OTOGL: variants seen among roughly 807,000 people sequenced by gnomAD.
The protein encoded by OTOGL is otogelin-like protein.
A neutral mutation model predicts 318.5 loss-of-function variants in OTOGL; 285 were observed. The ratio of observed to expected loss-of-function variants is 0.89; its 90% CI spans 0.81 to 0.99. OTOGL has a LOEUF of 0.99. Among genes scored for constraint, OTOGL ranks in the 50% least tolerant of loss-of-function variants. OTOGL has a pLI of 0.00. For synonymous variants in OTOGL, 987 were observed against 936.5 expected (o/e 1.05, Z -0.99); for missense variants, 2,899 against 2,845.6 (o/e 1.02, Z -0.43).
chr12:80,158,008 A>G (rs574650189), intron 1 of OTOGL, among the ~76,000 whole-genome samples: 2 of 152,256 alleles, frequency 1.3e-5, no homozygotes, highest in South Asian at 4.1e-4. Context: ...ATTTCTTCTT[A>G]TATGGTGGGT....
rs1883045553 is a variant in OTOGL, at chr12:80,267,202, T to C, written c.2391-51T>C. ...AGCACAAGGTCAGCTTGAATTTTAGTGGTTTTTGAAAAAAATTGTATCCTA... is the reference window on the plus strand; with the variant it reads ...AGCACAAGGTCAGCTTGAATTTTAGCGGTTTTTGAAAAAAATTGTATCCTA... On this transcript the variant is annotated intron_variant, in intron 21 of 58. Transcript: ENST00000547103. The C allele has an allele frequency of 4.9e-6, 6 of 1,212,234 alleles. No individual in the cohort carries two copies. The South Asian group carries it at 5.7e-5, about 12-fold the overall frequency. The allele number at this position is 1,212,234 out of a possible 1,614,324, so 75.1% of individuals were successfully genotyped here. A position where few individuals can be genotyped will look rare whatever the true frequency, so the allele number is the denominator to read the frequency against.
chr12:80,271,698 C>T lies in OTOGL; in HGVS notation c.2569C>T (p.Pro857Ser), dbSNP rs771346282. The T allele has an allele frequency of 1.2e-6, 2 of 1,612,968 alleles. No individual in the cohort carries two copies. The highest frequency in any genetic ancestry group is 1.7e-5 in the Admixed American group (1 of 59,834). Residue 857 changes from proline (P) to serine (S), a missense_variant, in exon 24 of 59, where the codon CCT becomes TCT. Around this residue, in one of 3 missense-constraint regions of OTOGL, gnomAD observed 2,607 missense variants for 2,524.9 expected, o/e 1.03. Transcript: ENST00000547103. ...KEYFDCRFPD[P>S]ELPAGGVNCE... ...GTATTTCGACTGCAGGTTTCCTGAC[C>T]CTGAATTACCAGCTGGTGGTGTTAA...
In OTOGL at chr12:80,307,810, G is replaced by C. The variant is rs1183212226; in HGVS notation, c.3333+2115G>C. On this transcript the variant is annotated intron_variant, in intron 29 of 58. Coordinates refer to ENST00000547103, the MANE Select transcript of OTOGL (RefSeq NM_001378609.3). ...GAGGGGCTCCTCACTTCCCAGTAGG[G>C]GCGGCCGGGCAGAGGCACCCCTCAC... Among the ~76,000 whole-genome samples the C allele has an allele frequency of 3.2e-4, 43 of 133,890 alleles. No homozygotes were observed. The Middle Eastern group carries it at 0.016, about 49-fold the overall frequency. 87.8% of individuals were successfully genotyped at this position (133,890 alleles called of 152,430 possible). A position where few individuals can be genotyped will look rare whatever the true frequency, so the allele number is the denominator to read the frequency against.
intron 29 of OTOGL, among the ~76,000 whole-genome samples, chr12:80,309,145 T>A (rs1445506541): frequency 6.6e-6 from 1 of 152,230 alleles, no homozygotes; most frequent in Admixed American, 6.5e-5. Flanking sequence ...ATTCACTAAT[T>A]TTTATTTAGC....
intron 52 of OTOGL, among the ~76,000 whole-genome samples, chr12:80,365,007 C>G (rs74601451): frequency 6.6e-6 from 1 of 151,968 alleles, no homozygotes; most frequent in Non-Finnish European, 1.5e-5. Flanking sequence ...AAAAATAACA[C>G]ATTTACAAGG....
At chr12:80,314,243 C>G (rs1886833145) in intron 31 of OTOGL, 62 bp from the exon 32 acceptor site, 2 of 560,850 alleles carry the variant, frequency 3.6e-6, no homozygotes. Context: ...CATATCTTGC[C>G]CACATTCAGA....
At chr12:80,103,778 C>G (rs1433201122) in intron 1 of OTOGL, among the ~76,000 whole-genome samples, 1 of 152,134 alleles carries the variant, frequency 6.6e-6, no homozygotes, top group Non-Finnish European at 1.5e-5. Flanking sequence ...CTAAAAATGC[C>G]TATACCTTTG....
intron 26 of OTOGL, among the ~76,000 whole-genome samples, chr12:80,279,711 T>C (rs1293071710): frequency 6.6e-6 from 1 of 151,858 alleles, no homozygotes; most frequent in Non-Finnish European, 1.5e-5. Context: ...TTAGGTTGAT[T>C]CCATGTCTTT....
chr12:80,209,447 A>T lies in OTOGL; in HGVS notation c.16A>T (p.Lys6Ter), dbSNP rs1213373643. 4.0e-6 allele frequency: 6 copies of T among 1,507,304 alleles called. No individual in the cohort carries two copies. The highest frequency in any genetic ancestry group is 5.3e-6 in the Non-Finnish European group (6 of 1,128,562). 93.4% of individuals were successfully genotyped at this position (1,507,304 alleles called of 1,614,324 possible). Residue 6 changes from lysine (K) to a stop codon, truncating the protein, a stop_gained, in exon 2 of 59, where the codon AAA (lysine) becomes TAA (stop). Transcript: ENST00000547103. LOFTEE classifies it high-confidence loss of function. ...CTACACTGAAATGAACATTGTAAGA[A>T]AACTCAATTTAATGATACCTTGGAG... The part of the protein sequence containing the change: MNIVR[K>*]LNLMIPWSIF...
chr12:80,228,462 AAAAC>A lies in OTOGL; in HGVS notation c.490-787_490-784del, dbSNP rs927297441. Among the ~76,000 whole-genome samples, 107 of 152,066 alleles carry A rather than the reference AAAAC, an allele frequency of 7.0e-4. 1 individual carries two copies. The highest frequency in any genetic ancestry group is 6.8e-3 in the Middle Eastern group (2 of 294). On this transcript the variant is annotated intron_variant, in intron 7 of 58. Transcript: ENST00000547103. ...ATCTCAAAAAACAAACAAACAAACA[AAAAC>A]AAACAAAAAAAACCCCAAAACAAAA...
chr12:80,257,790 G>A, intron 17 of OTOGL, 35 bp from the exon 18 acceptor site: 1 of 1,483,976 alleles, frequency 6.7e-7, no homozygotes, highest in Non-Finnish European at 9.0e-7. Flanking sequence ...GTCTATGAAT[G>A]TCAAAGCTGA....
rs1016709329 is a variant in OTOGL, at chr12:80,217,159, A to G, written c.169-439A>G. ...CCATGCATTTTTTTTTTCCAAACCT[A>G]TCTGCGCCTGGAAGTGTCAGAGAAT... is the stretch of plus-strand genomic sequence containing the variant. On this transcript the variant is annotated intron_variant, in intron 4 of 58. Coordinates refer to ENST00000547103, the MANE Select transcript of OTOGL (RefSeq NM_001378609.3). Among the ~76,000 whole-genome samples the G allele has an allele frequency of 2.1e-4, 32 of 151,906 alleles. No individual in the cohort carries two copies. The East Asian group carries it at 5.4e-3, about 26-fold the overall frequency.
chr12:80,230,626 C>T (rs760378113), intron 8 of OTOGL, among the ~76,000 whole-genome samples: 2 of 152,090 alleles, frequency 1.3e-5, no homozygotes, highest in Non-Finnish European at 2.9e-5. Flanking sequence ...ATGAGGATTT[C>T]AGATTGTGTG....
intron 11 of OTOGL, among the ~76,000 whole-genome samples, chr12:80,247,390 C>T (rs1418824978): frequency 8.2e-6 from 1 of 121,862 alleles, no homozygotes; most frequent in Admixed American, 8.1e-5. Flanking sequence ...TTTCAAAGAA[C>T]ATCTTTATTT....
intron 28 of OTOGL, 77 bp downstream of exon 28, chr12:80,302,860 T>C (rs1240673385): frequency 2.5e-6 from 3 of 1,207,252 alleles, no homozygotes; most frequent in Non-Finnish European, 3.2e-6. Context: ...GAAAATAAAA[T>C]GATTAATGTT....
chr12:80,265,115 G>A lies in OTOGL; in HGVS notation c.2129G>A (p.Gly710Glu). ...TGCCGCCACGATGCATGCAAGTGTG[G>A]AAGCTCCTGCCTGTGCAATGCTCTT... ...QLCRHDACKC[G>E]SSCLCNALAH... The change falls in exon 20 of 59, where the codon GGA becomes GAA. Residue 710 changes from glycine to glutamate, a missense_variant. Gly to Glu is a moderately conservative substitution (Grantham distance 98). This residue lies in a region of OTOGL where 2,607 missense variants were observed against 2,524.9 expected (regional missense o/e 1.03). Coordinates refer to ENST00000547103, the MANE Select transcript of OTOGL (RefSeq NM_001378609.3). 1 of 1,613,866 alleles carries A rather than the reference G, an allele frequency of 6.2e-7. No individual in the cohort carries two copies. The highest frequency in any genetic ancestry group is 1.1e-5 in the South Asian group (1 of 91,082).
intron 16 of OTOGL, among the ~76,000 whole-genome samples, chr12:80,255,577 C>T (rs1222676508): frequency 6.6e-6 from 1 of 151,798 alleles, no homozygotes; most frequent in Admixed American, 6.6e-5. Flanking sequence ...TTGTTTGCTT[C>T]AACCTAGCTA....
intron 43 of OTOGL, among the ~76,000 whole-genome samples, chr12:80,340,595 G>A (rs771909254): frequency 3.9e-5 from 6 of 152,136 alleles, no homozygotes; most frequent in Admixed American, 6.6e-5. Context: ...GCGCTGCAGA[G>A]AGAGGGCTAG....
chr12:80,209,454 A>G lies in OTOGL; in HGVS notation c.23A>G (p.Asn8Ser). The change falls in exon 2 of 59, where the codon AAT becomes AGT. Residue 8 changes from asparagine to serine, a missense_variant. Physicochemically the swap from Asn to Ser is conservative, Grantham distance 46. Transcript: ENST00000547103. ...GAAATGAACATTGTAAGAAAACTCA[A>G]TTTAATGATACCTTGGAGTATATTC... MNIVRKL[N>S]LMIPWSIFLL... 1 of 1,510,060 alleles carries G rather than the reference A, an allele frequency of 6.6e-7. No individual in the cohort carries two copies. The highest frequency in any genetic ancestry group is 1.2e-5 in the South Asian group (1 of 80,072). The allele number at this position is 1,510,060 out of a possible 1,614,324, so 93.5% of individuals were successfully genotyped here. A position where few individuals can be genotyped will look rare whatever the true frequency, so the allele number is the denominator to read the frequency against.
Sources: gnomAD v4.1 joint callset for allele counts (sites outside exome capture counted in the v4.1 genomes callset) on GRCh38, gnomAD v4.1.1 for gene constraint, gnomAD v4.1.1 regional missense constraint, MANE v1.5 for transcripts, NCBI Gene and HGNC (gene_info 2026-07-23, HGNC 2026-07-21) for gene names.